The following SMAD3 variants were observed in gnomAD, a reference collection of about 807,000 sequenced individuals.
SMAD3 encodes the protein MAD homolog 3.
In SMAD3, 12 loss-of-function variants were observed where a neutral mutation model predicts 51.8. The observed-to-expected ratio is 0.23, with a 90% confidence interval of 0.15 to 0.38. The LOEUF is 0.38. Among genes scored for constraint, SMAD3 ranks in the 10% least tolerant of loss-of-function variants. The pLI is 1.00. For missense variants in SMAD3, 294 were observed against 565.6 expected (o/e 0.52, Z 4.87); for synonymous variants, 238 against 227.7 (o/e 1.05, Z -0.41).
chr15:67,074,944 A>G (rs1288457442), intron 1 of SMAD3, among the ~76,000 whole-genome samples: 1 of 152,144 alleles, frequency 6.6e-6, no homozygotes, highest in African/African-American at 2.4e-5. Flanking sequence ...CAGAGTTATG[A>G]ATCTGGTCCC....
chr15:67,090,589 T>C (rs1437528086), intron 1 of SMAD3, among the ~76,000 whole-genome samples: 1 of 152,146 alleles, frequency 6.6e-6, no homozygotes, highest in Non-Finnish European at 1.5e-5. Flanking sequence ...TTCTCAATGC[T>C]TGCTTATGGG....
chr15:67,094,629 C>T (rs1026051750), intron 1 of SMAD3, among the ~76,000 whole-genome samples: 11 of 152,158 alleles, frequency 7.2e-5, no homozygotes, highest in African/African-American at 9.7e-5. Flanking sequence ...TGGCCAGGGC[C>T]GAGCTGAAGA....
intron 1 of SMAD3, chr15:67,125,854 G>A (rs1961372092): frequency 3.0e-6 from 3 of 985,298 alleles, no homozygotes; most frequent in Non-Finnish European, 3.6e-6. Context: ...CGGCACTGGG[G>A]TAATTTATTG....
At chr15:67,176,362 G>A (rs1271368038) in intron 5 of SMAD3, among the ~76,000 whole-genome samples, 1 of 152,174 alleles carries the variant, frequency 6.6e-6, no homozygotes, top group African/African-American at 2.4e-5. Flanking sequence ...AGGAACATGG[G>A]AACTGGAGTG....
intron 1 of SMAD3, among the ~76,000 whole-genome samples, chr15:67,149,483 A>T (rs1348587077): frequency 3.3e-5 from 5 of 152,098 alleles, no homozygotes; most frequent in African/African-American, 9.7e-5. Context: ...GACAAGGGCC[A>T]CTTAGTTGAT....
intron 1 of SMAD3, among the ~76,000 whole-genome samples, chr15:67,148,160 G>A (rs1206695080): frequency 3.3e-5 from 5 of 152,174 alleles, no homozygotes; most frequent in Admixed American, 3.3e-4. Context: ...GCAAATTAGT[G>A]TATTTCACAG....
intron 5 of SMAD3, among the ~76,000 whole-genome samples, chr15:67,177,226 G>T (rs562232800): frequency 2.4e-4 from 37 of 152,230 alleles, no homozygotes; most frequent in African/African-American, 8.2e-4. Flanking sequence ...CAGAGCCATA[G>T]ACCATGTCAT....
intron 6 of SMAD3, among the ~76,000 whole-genome samples, chr15:67,183,636 C>T (rs1007114782): frequency 6.6e-6 from 1 of 152,104 alleles, no homozygotes; most frequent in Admixed American, 6.5e-5. Context: ...ATATCTGGCT[C>T]CGTGTTCTGA....
chr15:67,088,362 C>G (rs1259350306), intron 1 of SMAD3, among the ~76,000 whole-genome samples: 5 of 152,160 alleles, frequency 3.3e-5, no homozygotes, highest in African/African-American at 1.2e-4. Flanking sequence ...GGGAAGCCCA[C>G]TATAGAAACA....
At chr15:67,097,594 C>G (rs1387555392) in intron 1 of SMAD3, among the ~76,000 whole-genome samples, 1 of 152,080 alleles carries the variant, frequency 6.6e-6, no homozygotes, top group Non-Finnish European at 1.5e-5. Flanking sequence ...GTTGTTCAAG[C>G]CTCCTGGAGC....
intron 1 of SMAD3, among the ~76,000 whole-genome samples, chr15:67,102,709 C>A (rs575110247): frequency 6.6e-6 from 1 of 151,990 alleles, no homozygotes; most frequent in East Asian, 1.9e-4. Context: ...CAGGGAGTGA[C>A]GTTGAATGGA....
intron 1 of SMAD3, among the ~76,000 whole-genome samples, chr15:67,091,600 T>C (rs982506622): frequency 6.6e-6 from 1 of 152,242 alleles, no homozygotes; most frequent in African/African-American, 2.4e-5. Context: ...CCCCAACCTT[T>C]TTCACGTAAA....
intron 1 of SMAD3, among the ~76,000 whole-genome samples, chr15:67,119,329 G>C (rs1185197495): frequency 6.6e-6 from 1 of 152,210 alleles, no homozygotes; most frequent in Non-Finnish European, 1.5e-5. Flanking sequence ...CCTTAGCAAG[G>C]GCAGTCATGA....
chr15:67,066,226 C>A lies in SMAD3; in HGVS notation c.72C>A (p.Asn24Lys). The A allele has an allele frequency of 3.7e-6, 6 of 1,613,396 alleles. No homozygotes were observed. Among genetic ancestry groups the A allele is most frequent in the Non-Finnish European group, 5.1e-6 (6 of 1,179,736 alleles). ...TGGGCTGGAAGAAGGGCGAGCAGAA[C>A]GGGCAGGAGGAGAAATGGTGCGAGA... ...RLLGWKKGEQ[N>K]GQEEKWCEKA... Residue 24 changes from asparagine (N) to lysine (K), a missense_variant, in exon 1 of 9, where the codon AAC becomes AAA. Physicochemically the swap from Asn to Lys is moderately conservative, Grantham distance 94. Coordinates refer to ENST00000327367, the MANE Select transcript of SMAD3 (RefSeq NM_005902.4).
rs1020707349 is a variant in SMAD3, at chr15:67,191,895, C to A, written c.*1359C>A. On this transcript the variant is annotated 3_prime_UTR_variant, in exon 9 of 9. Transcript: ENST00000327367. ...TGTATTGTGTAACAAGTACTGCTCC[C>A]AGCAGCAATTAGGGAGAAAACTAGT... 4.4e-6 allele frequency: 1 copy of A among 228,576 alleles called. No individual in the cohort carries two copies. The highest frequency in any genetic ancestry group is 2.2e-5 in the African/African-American group (1 of 45,058). 14.2% of individuals were successfully genotyped at this position (228,576 alleles called of 1,614,324 possible). A position where few individuals can be genotyped will look rare whatever the true frequency, so the allele number is the denominator to read the frequency against.
chr15:67,176,065 T>TG (rs1384765420), intron 5 of SMAD3, among the ~76,000 whole-genome samples: 4 of 152,194 alleles, frequency 2.6e-5, no homozygotes, highest in Admixed American at 1.3e-4. Flanking sequence ...TAAAAGGGCA[T>TG]GGGGGTCTCT....
intron 1 of SMAD3, among the ~76,000 whole-genome samples, chr15:67,086,767 T>C (rs1960402042): frequency 6.6e-6 from 1 of 152,096 alleles, no homozygotes; most frequent in Non-Finnish European, 1.5e-5. Context: ...TTCTATGTCC[T>C]GGCCACACAG....
chr15:67,181,326 C>T lies in SMAD3; in HGVS notation c.744C>T (p.Phe248=), dbSNP rs376023379. The T allele has an allele frequency of 4.5e-5, 72 of 1,613,998 alleles. No individual in the cohort carries two copies. Among genetic ancestry groups the T allele is most frequent in the Non-Finnish European group, 6.0e-5 (71 of 1,180,032 alleles). ...TGAACCAGCGCGTCGGGGAGACATT[C>T]CACGCCTCGCAGCCATCCATGACTG... ...YELNQRVGET[F]HASQPSMTVD... The change falls in exon 6 of 9, where the codon TTC becomes TTT. Residue 248 remains phenylalanine (F), a synonymous_variant. Transcript: ENST00000327367.
Position 67,194,662 on chromosome 15 carries a change from C to T in SMAD3, c.*4126C>T, listed in dbSNP as rs938266972. On this transcript the variant is annotated 3_prime_UTR_variant, in exon 9 of 9. Transcript: ENST00000327367. The stretch of plus-strand genomic sequence containing the variant: ...AGTGGCTGGAAGAGTTGGGGCACAG[C>T]CAGTTCTGAATGTTGGTGGAGGGTG... 1 of 231,814 alleles carries T rather than the reference C, an allele frequency of 4.3e-6. No homozygotes were observed. The highest frequency in any genetic ancestry group is 8.5e-6 in the Non-Finnish European group (1 of 116,978). The allele number at this position is 231,814 out of a possible 1,614,324, so 14.4% of individuals were successfully genotyped here. A position where few individuals can be genotyped will look rare whatever the true frequency, so the allele number is the denominator to read the frequency against.
Sources: gnomAD v4.1 joint callset for allele counts (sites outside exome capture counted in the v4.1 genomes callset) on GRCh38, gnomAD v4.1.1 for gene constraint, MANE v1.5 for transcripts, NCBI Gene and HGNC (gene_info 2026-07-23, HGNC 2026-07-21) for gene names.